Variants in ZNF254 observed in about 807,000 individuals in gnomAD.
The protein encoded by ZNF254 is CTD-2017D11.1.
Under a neutral mutation model 12.4 loss-of-function variants are expected in ZNF254, and 10 were observed. The observed-to-expected ratio is 0.80, with a 90% confidence interval of 0.50 to 1.36. The LOEUF is 1.36. Ranked by LOEUF, ZNF254 falls within the 40% of genes most tolerant of loss-of-function variation. The probability of loss-of-function intolerance (pLI) is 0.00; values close to 1 mark genes in which losing one functional copy is unlikely to be tolerated. For synonymous variants in ZNF254, 305 were observed against 253.4 expected, an observed-to-expected ratio of 1.20 and a Z score of -1.93; for missense variants, 996 against 763.9, an observed-to-expected ratio of 1.30 and a Z score of -3.58.
At chr19:24,064,939 G>A (rs41482250) in intron 2 of ZNF254, among the ~76,000 whole-genome samples, 22,584 of 152,112 alleles carry the variant, frequency 0.15, 1,936 homozygotes, top group Middle Eastern at 0.23. Flanking sequence ...TTATCTTGGC[G>A]ATTTGACTTT....
intron 3 of ZNF254, among the ~76,000 whole-genome samples, chr19:24,117,091 T>C (rs1458879654): frequency 2.0e-5 from 3 of 152,132 alleles, no homozygotes; most frequent in African/African-American, 7.2e-5. Context: ...ATGTGAGGTG[T>C]CAGTCTGCCC....
chr19:24,071,870 C>G (rs1971493464), intron 2 of ZNF254, among the ~76,000 whole-genome samples: 1 of 152,178 alleles, frequency 6.6e-6, no homozygotes, highest in Non-Finnish European at 1.5e-5. Flanking sequence ...CCCCTATTAG[C>G]AGGGCTCATG....
chr19:24,041,334 C>T (rs1027974935), intron 1 of ZNF254, among the ~76,000 whole-genome samples: 10 of 152,240 alleles, frequency 6.6e-5, no homozygotes, highest in African/African-American at 2.4e-4. Context: ...GAGCGGGAAC[C>T]GGGGCTGCGT....
In ZNF254 at chr19:24,128,168, CA is replaced by C; in HGVS notation, c.*189del. On this transcript the variant is annotated 3_prime_UTR_variant, in exon 4 of 4. Coordinates refer to ENST00000357002, the MANE Select transcript of ZNF254 (RefSeq NM_203282.4). ...TGAAAAAGCCTTTAAATGATTGTCA[CA>C]CTTGATTGTAGGTAAGATAATTCAT... is the stretch of plus-strand genomic sequence containing the variant. 1 of 580,732 alleles carries C rather than the reference CA, an allele frequency of 1.7e-6. No homozygotes were observed. Among genetic ancestry groups the C allele is most frequent in the Middle Eastern group, 5.0e-4 (1 of 2,012 alleles). 36.0% of individuals were successfully genotyped at this position (580,732 alleles called of 1,614,324 possible).
Position 24,096,227 on chromosome 19 carries a change from T to A in ZNF254, c.30+8890T>A, listed in dbSNP as rs917444047. Reference sequence around the variant, plus strand: ...GCATGTGCCACCATGCCTGCCTAATTTTTGTAATTTTAGTAGAGACAGGAT... The same window carrying A: ...GCATGTGCCACCATGCCTGCCTAATATTTGTAATTTTAGTAGAGACAGGAT... On this transcript the variant is annotated intron_variant, in intron 1 of 3. Transcript: ENST00000357002. 3.3e-5 allele frequency among the ~76,000 whole-genome samples: 5 copies of A among 152,068 alleles called. No homozygotes were observed. In the South Asian group the frequency reaches 6.2e-4, roughly 19 times the overall value.
intron 2 of ZNF254, among the ~76,000 whole-genome samples, chr19:24,058,182 G>A (rs1970932862): frequency 6.6e-6 from 1 of 152,108 alleles, no homozygotes; most frequent in African/African-American, 2.4e-5. Context: ...ATCTCATTTG[G>A]ACCTTCCTGC....
At chr19:24,101,649 T>A (rs966083191) in intron 1 of ZNF254, among the ~76,000 whole-genome samples, 6 of 152,286 alleles carry the variant, frequency 3.9e-5, no homozygotes, top group African/African-American at 1.4e-4. Flanking sequence ...TCAGGACAGG[T>A]GATCCAGGTT....
At chr19:24,123,650 A>C (rs1974636122) in intron 3 of ZNF254, among the ~76,000 whole-genome samples, 1 of 152,180 alleles carries the variant, frequency 6.6e-6, no homozygotes, top group Non-Finnish European at 1.5e-5. Context: ...ACAAATATAC[A>C]CAAATTTTTC....
At chr19:24,045,697 G>T (rs963074099) in intron 1 of ZNF254, among the ~76,000 whole-genome samples, 8 of 148,242 alleles carry the variant, frequency 5.4e-5, no homozygotes, top group African/African-American at 2.0e-4. Context: ...AGGAAATCTA[G>T]CCCCTTCTTC....
At chr19:24,038,948 A>G (rs1970061374) in intron 1 of ZNF254, among the ~76,000 whole-genome samples, 1 of 152,148 alleles carries the variant, frequency 6.6e-6, no homozygotes, top group Non-Finnish European at 1.5e-5. Context: ...GAATCTAAAC[A>G]TTTTGCTTAT....
At chr19:24,068,678 G>A (rs1351090290) in intron 2 of ZNF254, among the ~76,000 whole-genome samples, 1 of 152,126 alleles carries the variant, frequency 6.6e-6, no homozygotes, top group Non-Finnish European at 1.5e-5. Context: ...TGACTCTCCT[G>A]TCTGGTCCTT....
In ZNF254 at chr19:24,098,988, C is replaced by CTTTTTTTTTTTTTTTT. The variant is rs927108646; in HGVS notation, c.31-6939_31-6924dup. 3 of 74,776 alleles carry CTTTTTTTTTTTTTTTT rather than the reference C, an allele frequency of 4.0e-5. 1 individual carries two copies. The highest frequency in any genetic ancestry group is 1.9e-4 in the African/African-American group (3 of 15,452). The allele number at this position is 74,776 out of a possible 1,614,324, so 4.6% of individuals were successfully genotyped here. A position where few individuals can be genotyped will look rare whatever the true frequency, so the allele number is the denominator to read the frequency against. On this transcript the variant is annotated intron_variant, in intron 1 of 3. Transcript: ENST00000357002. ...CTTCTTCTGCAGCTCAGGCTTCGCT[C>CTTTTTTTTTTTTTTTT]TTTTTTTTTTTTTTTTTTTTTTTTT...
rs771398446 is a variant in ZNF254 at position 24,127,769 on chromosome 19, C to T, written c.1769C>T (p.Thr590Ile). 1.2e-6 allele frequency: 2 copies of T among 1,612,142 alleles called. No homozygotes were observed. The highest frequency in any genetic ancestry group is 2.2e-5 in the East Asian group (1 of 44,804). Residue 590 changes from threonine to isoleucine, a missense_variant, in exon 4 of 4, where the codon ACT becomes ATT. Transcript: ENST00000357002. Reference sequence around the variant, plus strand: ...TCTTTTAACCGGTCTTCAACTTTTACTAAACATAAGGTAATTCATACTGGA... The same window carrying T: ...TCTTTTAACCGGTCTTCAACTTTTATTAAACATAAGGTAATTCATACTGGA... ...GKSFNRSSTF[T>I]KHKVIHTGVK...
At chr19:24,082,657 CAA>C (rs745392053), upstream of ZNF254, among the ~76,000 whole-genome samples, 2 of 120,320 alleles carry the variant, frequency 1.7e-5, no homozygotes, top group Admixed American at 1.7e-4. Context: ...CTCAAAAAAA[CAA>C]AAAAAAAAAA....
chr19:24,083,018 T>G (rs1971906097), upstream of ZNF254, among the ~76,000 whole-genome samples: 1 of 152,092 alleles, frequency 6.6e-6, no homozygotes, highest in South Asian at 2.1e-4. Flanking sequence ...GGTAAAGAGG[T>G]AGTCAAATTG....
intron 2 of ZNF254, chr19:24,046,346 T>C (rs1970379915): frequency 1.4e-5 from 2 of 141,108 alleles, no homozygotes; most frequent in African/African-American, 5.2e-5. Flanking sequence ...CCAGATTTTC[T>C]TTTGTCTTCC....
chr19:24,049,216 T>TA (rs1568426573), intron 2 of ZNF254, among the ~76,000 whole-genome samples: 463 of 37,526 alleles, frequency 0.012, 1 homozygote, highest in South Asian at 0.021. Context: ...ATATATATAT[T>TA]TTTTTTTTTT....
chr19:24,097,076 GT>G (rs1346326401), intron 1 of ZNF254, among the ~76,000 whole-genome samples: 1 of 152,044 alleles, frequency 6.6e-6, no homozygotes, highest in Non-Finnish European at 1.5e-5. Flanking sequence ...TTTTATCCCT[GT>G]TTTTTTGAGA....
At chr19:24,122,745 T>C (rs1025332450) in intron 3 of ZNF254, among the ~76,000 whole-genome samples, 2 of 152,248 alleles carry the variant, frequency 1.3e-5, no homozygotes, top group Non-Finnish European at 2.9e-5. Context: ...TTATATCTAC[T>C]GAATGATTTG....
Sources: allele counts gnomAD v4.1 joint callset (sites outside exome capture counted in the v4.1 genomes callset), GRCh38; gene constraint gnomAD v4.1.1; transcripts MANE v1.5; gene names NCBI Gene and HGNC (gene_info 2026-07-23, HGNC 2026-07-21).